The following NR3C1 variants were observed in gnomAD, a reference collection of about 807,000 sequenced individuals.
NR3C1 encodes the protein glucocorticoid receptor.
In NR3C1, 14 loss-of-function variants were observed where a neutral mutation model predicts 74.0. The ratio of observed to expected loss-of-function variants is 0.19; its 90% confidence interval spans 0.12 to 0.30. The LOEUF is 0.30. NR3C1 is among the 10% of genes least tolerant of loss of function. NR3C1 has a pLI of 1.00. For missense variants in NR3C1, 695 were observed against 909.8 expected (o/e 0.76, Z 3.04); for synonymous variants, 308 against 332.5 (o/e 0.93, Z 0.80).
intron 2 of NR3C1, among the ~76,000 whole-genome samples, chr5:143,356,988 C>A (rs1344724066): frequency 1.3e-5 from 2 of 152,076 alleles, no homozygotes; most frequent in Non-Finnish European, 2.9e-5. Flanking sequence ...ATAGTTAGTA[C>A]CTGGAAAGGT....
intron 2 of NR3C1, among the ~76,000 whole-genome samples, chr5:143,326,720 G>A (rs1172870733): frequency 1.3e-5 from 2 of 152,088 alleles, no homozygotes; most frequent in Non-Finnish European, 2.9e-5. Flanking sequence ...CATACATGAT[G>A]ACATGAAAAG....
chr5:143,337,026 T>C (rs1480652856), intron 2 of NR3C1, among the ~76,000 whole-genome samples: 1 of 152,010 alleles, frequency 6.6e-6, no homozygotes, highest in Non-Finnish European at 1.5e-5. Context: ...CACACGCACA[T>C]GTGTGCGCAC....
At chr5:143,409,083 T>C (rs933319807) in intron 1 of NR3C1, 2 of 152,142 alleles carry the variant, frequency 1.3e-5, no homozygotes, top group African/African-American at 2.4e-5. Context: ...CCAGGAACTG[T>C]TGGTAGCTCA....
At chr5:143,413,886 T>G (rs1445676461) in intron 1 of NR3C1, among the ~76,000 whole-genome samples, 1 of 141,496 alleles carries the variant, frequency 7.1e-6, no homozygotes, top group Non-Finnish European at 1.5e-5. Context: ...ATTTTAAATT[T>G]AAATAGGAGA....
chr5:143,409,791 T>A (rs1841234077), intron 1 of NR3C1, among the ~76,000 whole-genome samples: 1 of 152,214 alleles, frequency 6.6e-6, no homozygotes, highest in African/African-American at 2.4e-5. Context: ...TCGTTGTAAT[T>A]AGAATTAACA....
At chr5:143,405,731 A>T (rs1226942260), upstream of NR3C1, among the ~76,000 whole-genome samples, 2 of 152,132 alleles carry the variant, frequency 1.3e-5, no homozygotes, top group Non-Finnish European at 2.9e-5. Flanking sequence ...AAGAATTTTT[A>T]TGAAGGGCGC....
At chr5:143,305,163 CTTAAA>C (rs938275084) in intron 4 of NR3C1, among the ~76,000 whole-genome samples, 23 of 152,168 alleles carry the variant, frequency 1.5e-4, no homozygotes, top group African/African-American at 5.3e-4. Flanking sequence ...TTATATGGAA[CTTAAA>C]TTAACAAGCA....
At chr5:143,299,003 GTGTT>G (rs1377297030) in intron 5 of NR3C1, among the ~76,000 whole-genome samples, 191 bp from the exon 6 acceptor site, 15 of 115,550 alleles carry the variant, frequency 1.3e-4, no homozygotes, top group Middle Eastern at 9.3e-3. Flanking sequence ...AAACCCTCTT[GTGTT>G]TTTTTTTTTT....
At chr5:143,410,989 C>T (rs2151955086) in intron 1 of NR3C1, among the ~76,000 whole-genome samples, 1 of 152,274 alleles carries the variant, frequency 6.6e-6, no homozygotes, top group Non-Finnish European at 1.5e-5. Context: ...TATTTATAAA[C>T]TCACAATCAA....
At chr5:143,327,710 G>A (rs1824948574) in intron 2 of NR3C1, among the ~76,000 whole-genome samples, 1 of 152,242 alleles carries the variant, frequency 6.6e-6, no homozygotes, top group Non-Finnish European at 1.5e-5. Context: ...CAGCTGGGCA[G>A]CCCTTAAATC....
intron 2 of NR3C1, among the ~76,000 whole-genome samples, chr5:143,329,286 C>T (rs1189233989): frequency 2.0e-5 from 3 of 152,136 alleles, no homozygotes; most frequent in East Asian, 3.9e-4. Context: ...CACACTATCA[C>T]GAGAACAGCA....
At chr5:143,414,050 T>C (rs190392160) in intron 1 of NR3C1, among the ~76,000 whole-genome samples, 14 of 152,244 alleles carry the variant, frequency 9.2e-5, no homozygotes, top group African/African-American at 3.1e-4. Context: ...ACCCTGAAAA[T>C]TAAGTATAGT....
rs893460525 is a variant in NR3C1, at chr5:143,300,322, A to G, written c.1747+163T>C. On this transcript the variant is annotated intron_variant, in intron 5 of 8. Coordinates refer to ENST00000394464, the MANE Select transcript of NR3C1 (RefSeq NM_000176.3). This position sits in a 1 kb window ranked among gnomAD's most constrained non-coding sequence, Gnocchi z 5.2. The stretch of plus-strand genomic sequence containing the variant: ...GGGAGTAATGTAAATGTTTTATTAT[A>G]AACTCCCTATCACCTGTATTCACCT... Among the ~76,000 whole-genome samples, 2 of 152,206 alleles carry G rather than the reference A, an allele frequency of 1.3e-5. No homozygotes were observed. Among genetic ancestry groups the G allele is most frequent in the African/African-American group, 4.8e-5 (2 of 41,438 alleles).
chr5:143,397,474 G>A (rs1376585088), intron 2 of NR3C1, among the ~76,000 whole-genome samples: 2 of 151,886 alleles, frequency 1.3e-5, no homozygotes, highest in East Asian at 3.8e-4. Flanking sequence ...CTAATTCAAT[G>A]ATGGTTTAAA....
intron 2 of NR3C1, among the ~76,000 whole-genome samples, chr5:143,337,552 G>C (rs1322599699): frequency 6.6e-6 from 1 of 151,986 alleles, no homozygotes; most frequent in Admixed American, 6.6e-5. Flanking sequence ...GCATTTTTTT[G>C]GTTAAATAAA....
At chr5:143,368,570 G>T (rs1036740923) in intron 2 of NR3C1, among the ~76,000 whole-genome samples, 1 of 137,064 alleles carries the variant, frequency 7.3e-6, no homozygotes, top group African/African-American at 2.7e-5. Context: ...CACACACACC[G>T]ACAACTCAAC....
Position 143,400,322 on chromosome 5 carries a change from T to C in NR3C1, c.518A>G (p.Gln173Arg). 1 of 1,613,018 alleles carries C rather than the reference T, an allele frequency of 6.2e-7. No homozygotes were observed. Among genetic ancestry groups the C allele is most frequent in the Non-Finnish European group, 8.5e-7 (1 of 1,179,272 alleles). Reference sequence around the variant, plus strand: ...CACATTGCCACCGTTGGTGCCAGTCTGGCCCTTCAAATGTTGCTGTTCTGA... The same window carrying C: ...CACATTGCCACCGTTGGTGCCAGTCCGGCCCTTCAAATGTTGCTGTTCTGA... ...VSSEQQHLKG[Q>R]TGTNGGNVKL... Residue 173 changes from glutamine (Q) to arginine (R), a missense_variant, in exon 2 of 9, where the codon CAG (glutamine) becomes CGG (arginine). Gln to Arg is a conservative substitution (Grantham distance 43). Transcript: ENST00000394464.
intron 7 of NR3C1, among the ~76,000 whole-genome samples, chr5:143,292,971 T>C (rs1816285180): frequency 6.6e-6 from 1 of 152,356 alleles, no homozygotes; most frequent in African/African-American, 2.4e-5. Context: ...TGATTTTCAG[T>C]ACCTACAGAT....
At chr5:143,385,625 C>A (rs1837054385) in intron 2 of NR3C1, among the ~76,000 whole-genome samples, 1 of 152,206 alleles carries the variant, frequency 6.6e-6, no homozygotes, top group South Asian at 2.1e-4. Flanking sequence ...AGGGCAGGGG[C>A]AAAATGCTGT....
Sources: allele counts gnomAD v4.1 joint callset (sites outside exome capture counted in the v4.1 genomes callset), GRCh38; gene constraint gnomAD v4.1.1; non-coding constraint Gnocchi (gnomAD v3.1); transcripts MANE v1.5; gene names NCBI Gene and HGNC (gene_info 2026-07-23, HGNC 2026-07-21).